ROR1: variants seen among roughly 807,000 people sequenced by gnomAD.
ROR1 encodes the protein ROR family WNT receptor 1.
ROR1 carries 19 observed loss-of-function variants against 78.8 expected under a neutral mutation model. The observed-to-expected ratio is 0.24, with a 90% CI of 0.17 to 0.35. The LOEUF is 0.35. Ranked by LOEUF, ROR1 falls within the 10% of genes least tolerant of loss-of-function variation. The probability of loss-of-function intolerance (pLI) is 1.00; values close to 1 mark genes in which losing one functional copy is unlikely to be tolerated. For missense variants in ROR1, 917 were observed against 1,177.8 expected (o/e 0.78, Z 3.24); for synonymous variants, 386 against 433.6 (o/e 0.89, Z 1.36).
At chr1:63,949,505 T>C (rs1237575641) in intron 1 of ROR1, among the ~76,000 whole-genome samples, 1 of 152,190 alleles carries the variant, frequency 6.6e-6, no homozygotes, top group African/African-American at 2.4e-5. Context: ...CTGCCCATTT[T>C]GTGAATTAAG....
At chr1:63,885,019 A>G (rs1039991471) in intron 1 of ROR1, among the ~76,000 whole-genome samples, 11 of 152,126 alleles carry the variant, frequency 7.2e-5, no homozygotes, top group African/African-American at 2.4e-4. Flanking sequence ...TTCCACTCTA[A>G]AAATGTGAGG....
chr1:63,818,210 A>G (rs1358436024), intron 1 of ROR1, among the ~76,000 whole-genome samples: 1 of 152,162 alleles, frequency 6.6e-6, no homozygotes, highest in African/African-American at 2.4e-5. Context: ...CTGGGGAAGG[A>G]AAGGATCTGA....
intron 2 of ROR1, among the ~76,000 whole-genome samples, chr1:64,032,869 A>T (rs966779975): frequency 1.3e-5 from 2 of 152,198 alleles, no homozygotes; most frequent in Non-Finnish European, 2.9e-5. Flanking sequence ...CTTTTTTTAA[A>T]AAACAATATT....
chr1:64,096,268 G>A (rs1464445191), intron 4 of ROR1, among the ~76,000 whole-genome samples: 2 of 151,906 alleles, frequency 1.3e-5, no homozygotes, highest in African/African-American at 4.8e-5. Context: ...ACTTGTGCAG[G>A]ATGTGCAGGG....
Position 63,903,673 on chromosome 1 carries a change from C to T in ROR1, c.92-105632C>T, listed in dbSNP as rs550533280. 3.3e-5 allele frequency among the ~76,000 whole-genome samples: 5 copies of T among 151,876 alleles called. No individual in the cohort carries two copies. In the South Asian group the frequency reaches 1.0e-3, roughly 32 times the overall value. ...TTTAACTTTACTGTATTTGCTTTTG[C>T]AAAATGTGCACAGATTATATAACTA... On this transcript the variant is annotated intron_variant, in intron 1 of 8. Transcript: ENST00000371079.
chr1:64,077,749 CT>C (rs1647063404), intron 4 of ROR1, among the ~76,000 whole-genome samples: 1 of 152,230 alleles, frequency 6.6e-6, no homozygotes, highest in Non-Finnish European at 1.5e-5. Context: ...TAAACCATTT[CT>C]AATTTCATGA....
intron 2 of ROR1, among the ~76,000 whole-genome samples, chr1:64,045,055 C>A (rs1646773378): frequency 6.6e-6 from 1 of 152,164 alleles, no homozygotes; most frequent in Non-Finnish European, 1.5e-5. Context: ...CAAGATAAAT[C>A]AATCCATTAT....
chr1:63,867,222 A>G (rs1442746088), intron 1 of ROR1, among the ~76,000 whole-genome samples: 1 of 152,248 alleles, frequency 6.6e-6, no homozygotes, highest in Non-Finnish European at 1.5e-5. Flanking sequence ...CACATAATTA[A>G]TACTTTTAAA....
rs182045039 is a variant in ROR1, at chr1:63,825,639, T to C, written c.91+51131T>C. 1.1e-4 allele frequency among the ~76,000 whole-genome samples: 16 copies of C among 152,354 alleles called. 1 individual carries two copies. The highest frequency in any genetic ancestry group is 7.2e-4 in the Admixed American group (11 of 15,302). ...TATATTTACTAAAATTATTGAACTG[T>C]ACACTAAATGGGTGAATGTTATGTG... On this transcript the variant is annotated intron_variant, in intron 1 of 8. Transcript: ENST00000371079.
intron 2 of ROR1, among the ~76,000 whole-genome samples, chr1:64,040,570 AT>A (rs1320066430): frequency 2.6e-4 from 39 of 152,284 alleles, no homozygotes; most frequent in Admixed American, 1.3e-4. Context: ...ACAGAAACTT[AT>A]TTCTTACAGT....
intron 1 of ROR1, among the ~76,000 whole-genome samples, chr1:63,824,047 C>T (rs1387272353): frequency 6.6e-6 from 1 of 152,160 alleles, no homozygotes; most frequent in Admixed American, 6.5e-5. Flanking sequence ...CGTGCCCAGC[C>T]CCAAATCTTA....
intron 1 of ROR1, among the ~76,000 whole-genome samples, chr1:63,853,475 AT>A (rs1557528221): frequency 1.3e-5 from 2 of 152,180 alleles, no homozygotes; most frequent in African/African-American, 4.8e-5. Flanking sequence ...GAGCATTCAG[AT>A]TTTGGATTTT....
At chr1:63,895,752 A>G (rs1280174038) in intron 1 of ROR1, among the ~76,000 whole-genome samples, 2 of 152,194 alleles carry the variant, frequency 1.3e-5, no homozygotes, top group Admixed American at 1.3e-4. Context: ...GCTGTTAAAT[A>G]GATATGTTCT....
At chr1:64,031,348 G>T (rs969010561) in intron 2 of ROR1, among the ~76,000 whole-genome samples, 17 of 152,218 alleles carry the variant, frequency 1.1e-4, no homozygotes, top group Middle Eastern at 6.3e-3. Flanking sequence ...GATGGATGAG[G>T]TACTTAGCCT....
chr1:63,981,513 A>G (rs1372273421), intron 1 of ROR1, among the ~76,000 whole-genome samples: 1 of 152,154 alleles, frequency 6.6e-6, no homozygotes, highest in African/African-American at 2.4e-5. Flanking sequence ...GAGAAAGCCT[A>G]TGTTATCTTA....
intron 1 of ROR1, among the ~76,000 whole-genome samples, chr1:63,818,794 GCTTAGTAAC>G (rs1011165645): frequency 2.0e-5 from 3 of 152,136 alleles, no homozygotes; most frequent in Admixed American, 1.3e-4. Context: ...GATGCTGACT[GCTTAGTAAC>G]CTTATCTCAT....
chr1:63,881,863 A>G (rs1569857342), intron 1 of ROR1, among the ~76,000 whole-genome samples: 1 of 152,038 alleles, frequency 6.6e-6, no homozygotes, highest in African/African-American at 2.4e-5. Context: ...TGTTGGGGAG[A>G]ATTCTGAGGC....
intron 1 of ROR1, among the ~76,000 whole-genome samples, chr1:63,964,490 A>C (rs866280843): frequency 2.6e-5 from 4 of 152,320 alleles, no homozygotes; most frequent in Middle Eastern, 3.4e-3. Context: ...TATTTATACA[A>C]ATCTTATTGT....
At chr1:64,033,922 C>T (rs1646680560) in intron 2 of ROR1, among the ~76,000 whole-genome samples, 1 of 152,168 alleles carries the variant, frequency 6.6e-6, no homozygotes, top group Admixed American at 6.5e-5. Flanking sequence ...AGTGACACAG[C>T]CAGGACTCAA....
Sources: allele counts gnomAD v4.1 joint callset (sites outside exome capture counted in the v4.1 genomes callset), GRCh38; gene constraint gnomAD v4.1.1; transcripts MANE v1.5; gene names NCBI Gene and HGNC (gene_info 2026-07-23, HGNC 2026-07-21).